The following ZNF623 variants were observed in gnomAD, a reference collection of about 807,000 sequenced individuals.
ZNF623 encodes the protein zinc finger protein 623.
ZNF623 carries 16 observed loss-of-function variants against 24.0 expected under a neutral mutation model. The ratio of observed to expected loss-of-function variants is 0.67; its 90% CI spans 0.45 to 1.01. The LOEUF is 1.01. Among genes scored for constraint, ZNF623 ranks in the 50% least tolerant of loss-of-function variants. The pLI, the probability that ZNF623 is intolerant of heterozygous loss-of-function variation, is 0.00. For missense variants in ZNF623, 566 were observed against 606.5 expected, an observed-to-expected ratio of 0.93 and a Z score of 0.70; for synonymous variants, 224 against 219.8, an observed-to-expected ratio of 1.02 and a Z score of -0.17.
Position 143,651,403 on chromosome 8 carries a change from G to A in ZNF623, c.1411G>A (p.Glu471Lys), listed in dbSNP as rs1815314719. 6.2e-7 allele frequency: 1 copy of A among 1,614,114 alleles called. No individual in the cohort carries two copies. The change falls in exon 2 of 2, where the codon GAG becomes AAG. Residue 471 changes from glutamate to lysine, a missense_variant. Coordinates refer to ENST00000526926, the MANE Select transcript of ZNF623 (RefSeq NM_001261843.2). ...TAAAAATAATCAAAGGGTTCACCAA[G>A]AGGGACTCTCCTTGAGTAAGGCCCC... The part of the protein sequence containing the change: ...NVKNNQRVHQ[E>K]GLSLSKAPIH...
Position 143,645,773 on chromosome 8 carries a change from G to C in ZNF623, c.-95-4125G>C, listed in dbSNP as rs1587329319. ...AGTTTGGGTGTGTGAGTTGCCCTGT[G>C]GTGGGACCCTGTCCTATCCGGGGCT... On this transcript the variant is annotated intron_variant, in intron 1 of 1. Coordinates refer to ENST00000526926, the MANE Select transcript of ZNF623 (RefSeq NM_001261843.2). Among the ~76,000 whole-genome samples the C allele has an allele frequency of 4.6e-5, 7 of 152,308 alleles. 1 individual carries two copies. The South Asian group carries it at 1.2e-3, about 27-fold the overall frequency.
At position 143,651,337 on chromosome 8, in the gene ZNF623, T is replaced by G. The variant is rs1815311415; in HGVS notation, c.1345T>G (p.Cys449Gly). The G allele has an allele frequency of 1.9e-6, 3 of 1,614,092 alleles. No individual in the cohort carries two copies. Among genetic ancestry groups the G allele is most frequent in the Non-Finnish European group, 2.5e-6 (3 of 1,180,046 alleles). Residue 449 changes from cysteine (C) to glycine (G), a missense_variant, in exon 2 of 2, where the codon TGT becomes GGT. Coordinates refer to ENST00000526926, the MANE Select transcript of ZNF623 (RefSeq NM_001261843.2). ...TCATACTGAAGAGAAGCTCTATGAATGTAGTCAGTATGGGAGAGATTTTAA... is the reference window on the plus strand; with the variant it reads ...TCATACTGAAGAGAAGCTCTATGAAGGTAGTCAGTATGGGAGAGATTTTAA... ...KIHTEEKLYECSQYGRDFNST... is the reference protein window; with the variant it reads ...KIHTEEKLYEGSQYGRDFNST...
At chr8:143,636,310 G>T (rs1429005132) in intron 1 of ZNF623, 165 bp downstream of exon 1, 1 of 152,218 alleles carries the variant, frequency 6.6e-6, no homozygotes, top group African/African-American at 2.4e-5. Context: ...GCCTTGGCTA[G>T]TCAGTCTCCC....
intron 1 of ZNF623, among the ~76,000 whole-genome samples, chr8:143,645,084 TGCCATTGCACTCCA>T (rs1815140878): frequency 6.7e-6 from 1 of 150,356 alleles, no homozygotes; most frequent in Non-Finnish European, 1.5e-5. Flanking sequence ...GCCGAGATCG[TGCCATTGCACTCCA>T]GCCTGGGCAA....
chr8:143,643,293 G>T (rs531506048), intron 1 of ZNF623, among the ~76,000 whole-genome samples: 2 of 152,230 alleles, frequency 1.3e-5, no homozygotes, highest in Non-Finnish European at 2.9e-5. Flanking sequence ...ATGACATACA[G>T]TTGCAGCTTT....
At chr8:143,648,556 G>A (rs996382605) in intron 1 of ZNF623, among the ~76,000 whole-genome samples, 12 of 152,024 alleles carry the variant, frequency 7.9e-5, no homozygotes, top group African/African-American at 2.7e-4. Context: ...TTTTCAGGTC[G>A]CTGGGAACTG....
intron 1 of ZNF623, chr8:143,649,638 C>G (rs79493889): frequency 4.0e-6 from 2 of 504,274 alleles, no homozygotes; most frequent in Non-Finnish European, 7.0e-6. Flanking sequence ...CCAGGATTCA[C>G]TAATGGTCAG....
At chr8:143,640,669 G>A (rs1376566868) in intron 1 of ZNF623, among the ~76,000 whole-genome samples, 1 of 152,136 alleles carries the variant, frequency 6.6e-6, no homozygotes, top group African/African-American at 2.4e-5. Flanking sequence ...AGCCGGGCAT[G>A]GTGGCTCGTG....
chr8:143,645,483 G>T (rs7831300), intron 1 of ZNF623, among the ~76,000 whole-genome samples: 2 of 151,810 alleles, frequency 1.3e-5, no homozygotes, highest in African/African-American at 4.8e-5. Context: ...AAGTGCAGGC[G>T]CCAAGAAAGA....
rs4875017 is a variant in ZNF623 at position 143,650,193 on chromosome 8, C to T, written c.201C>T (p.Asn67=). 8.6e-4 allele frequency: 1,384 copies of T among 1,614,230 alleles called. 10 individuals carry two copies. The African/African-American group carries it at 0.016, about 19-fold the overall frequency. The change falls in exon 2 of 2, where the codon AAC becomes AAT. Residue 67 remains asparagine, a synonymous_variant. Coordinates refer to ENST00000526926, the MANE Select transcript of ZNF623 (RefSeq NM_001261843.2). The surrounding 1 kb of genome is among the most constrained non-coding windows in gnomAD (Gnocchi z 5.2). The part of the protein sequence containing the change: ...CTKSGRNHIL[N]SDLLLLQREL... ...AGTCAGGAAGAAACCATATTCTGAA[C>T]TCAGACCTTCTTCTGCTTCAGAGAG...
intron 1 of ZNF623, among the ~76,000 whole-genome samples, chr8:143,639,821 G>A (rs1815010486): frequency 6.6e-6 from 1 of 152,216 alleles, no homozygotes; most frequent in Non-Finnish European, 1.5e-5. Context: ...TTGGCCTCCA[G>A]GGACTCTGGC....
In ZNF623 at chr8:143,638,138, C is replaced by T. The variant is rs575773934; in HGVS notation, c.-96+1993C>T. On this transcript the variant is annotated intron_variant, in intron 1 of 1. Coordinates refer to ENST00000526926, the MANE Select transcript of ZNF623 (RefSeq NM_001261843.2). ...CGGGCAGATCATGAGGTCAAGAGTT[C>T]GAGACCAGCCTGACCAACATGGTGA... 1.5e-4 allele frequency among the ~76,000 whole-genome samples: 23 copies of T among 152,038 alleles called. No homozygotes were observed. In the East Asian group the frequency reaches 2.9e-3, roughly 19 times the overall value.
In ZNF623 at chr8:143,648,417, A is replaced by T. The variant is rs143444217; in HGVS notation, c.-95-1481A>T. 6.0e-3 allele frequency among the ~76,000 whole-genome samples: 913 copies of T among 152,174 alleles called. 5 individuals carry two copies. The highest frequency in any genetic ancestry group is 7.7e-3 in the Non-Finnish European group (521 of 67,994). ...CGTGGATGTTTGGGGTGAGAGCCCT[A>T]CTGTAGTAGGCTCAGGGGAAGGAGG... is the stretch of plus-strand genomic sequence containing the variant. On this transcript the variant is annotated intron_variant, in intron 1 of 1. Transcript: ENST00000526926.
intron 1 of ZNF623, among the ~76,000 whole-genome samples, chr8:143,641,496 T>C (rs28819137): frequency 0.92 from 6,907 of 7,470 alleles, 3,397 homozygotes; most frequent in Middle Eastern, 1. Flanking sequence ...GACGGAGTCT[T>C]GCTCTGTCGC....
In ZNF623 at chr8:143,647,803, A is replaced by G. The variant is rs111493899; in HGVS notation, c.-95-2095A>G. On this transcript the variant is annotated intron_variant, in intron 1 of 1. Transcript: ENST00000526926. The stretch of plus-strand genomic sequence containing the variant: ...TAGAAAAGAGCTGGAGAAGGGGAGA[A>G]GTAAGCAGGTGGGAGGTGGTCACGC... Among the ~76,000 whole-genome samples the G allele has an allele frequency of 1.4e-3, 218 of 152,276 alleles. 3 individuals carry two copies. Among genetic ancestry groups the G allele is most frequent in the African/African-American group, 4.6e-3 (193 of 41,540 alleles).
At chr8:143,649,444 A>T (rs1815244270) in intron 1 of ZNF623, among the ~76,000 whole-genome samples, 1 of 152,272 alleles carries the variant, frequency 6.6e-6, no homozygotes, top group East Asian at 1.9e-4. Flanking sequence ...CATGCAACTT[A>T]CAGTGAACAC....
At position 143,653,391 on chromosome 8, in the gene ZNF623, A is replaced by G; in HGVS notation, c.*1908A>G. ...ATCAGCATTACTAGAGATGTTTCAA[A>G]TGTAGATTTTACCAGACCATTTTAA... On this transcript the variant is annotated 3_prime_UTR_variant, in exon 2 of 2. Transcript: ENST00000526926. 1 of 167,270 alleles carries G rather than the reference A, an allele frequency of 6.0e-6. No homozygotes were observed. The highest frequency in any genetic ancestry group is 1.5e-5 in the Non-Finnish European group (1 of 68,116). 10.4% of individuals were successfully genotyped at this position (167,270 alleles called of 1,614,324 possible). A position where few individuals can be genotyped will look rare whatever the true frequency, so the allele number is the denominator to read the frequency against.
In ZNF623 at chr8:143,652,469, C is replaced by T. The variant is rs181813544; in HGVS notation, c.*986C>T. The T allele has an allele frequency of 1.8e-3, 304 of 167,098 alleles. No homozygotes were observed. The highest frequency in any genetic ancestry group is 3.3e-3 in the Non-Finnish European group (224 of 68,098). The allele number at this position is 167,098 out of a possible 1,614,324, so 10.4% of individuals were successfully genotyped here. ...TTGGCTGTTTTTTTTGTTGTTTGTTCATTTTGTATCAGTATAATCTACGAT... is the reference window on the plus strand; with the variant it reads ...TTGGCTGTTTTTTTTGTTGTTTGTTTATTTTGTATCAGTATAATCTACGAT... On this transcript the variant is annotated 3_prime_UTR_variant, in exon 2 of 2. Transcript: ENST00000526926.
chr8:143,650,172 A>G lies in ZNF623; in HGVS notation c.180A>G (p.Ser60=), dbSNP rs748966963. ...AGACAGCTCAAGTGTGCACCAAGTCAGGAAGAAACCATATTCTGAACTCAG... is the reference window on the plus strand; with the variant it reads ...AGACAGCTCAAGTGTGCACCAAGTCGGGAAGAAACCATATTCTGAACTCAG... ...TGETAQVCTK[S]GRNHILNSDL... is the part of the protein sequence containing the mutation. The change falls in exon 2 of 2, where the codon TCA becomes TCG. Residue 60 remains serine (S), a synonymous_variant. Coordinates refer to ENST00000526926, the MANE Select transcript of ZNF623 (RefSeq NM_001261843.2). This position sits in a 1 kb window ranked among gnomAD's most constrained non-coding sequence, Gnocchi z 5.2. The G allele has an allele frequency of 1.2e-6, 2 of 1,614,248 alleles. No individual in the cohort carries two copies.
Sources: gnomAD v4.1 joint callset for allele counts (sites outside exome capture counted in the v4.1 genomes callset) on GRCh38, gnomAD v4.1.1 for gene constraint, Gnocchi (gnomAD v3.1) non-coding constraint, MANE v1.5 for transcripts, NCBI Gene and HGNC (gene_info 2026-07-23, HGNC 2026-07-21) for gene names.